UTP18: variants seen among roughly 807,000 people sequenced by gnomAD.
The protein encoded by UTP18 is UTP18 small subunit processome component, also known as U3 small nucleolar RNA-associated protein 18 homolog.
In UTP18, 36 loss-of-function variants were observed where a neutral mutation model predicts 61.1. The observed-to-expected ratio is 0.59, with a 90% CI of 0.45 to 0.78. The LOEUF (loss-of-function observed/expected upper bound fraction) is 0.78. Among genes scored for constraint, UTP18 ranks in the 30% least tolerant of loss-of-function variants. The pLI is 0.00. For missense variants in UTP18, 753 were observed against 693.9 expected, an observed-to-expected ratio of 1.09 and a Z score of -0.96; for synonymous variants, 282 against 251.1, an observed-to-expected ratio of 1.12 and a Z score of -1.16.
intron 4 of UTP18, among the ~76,000 whole-genome samples, chr17:51,269,718 C>A (rs571835869): frequency 6.6e-6 from 1 of 152,016 alleles, no homozygotes. Context: ...AGAAATTGAC[C>A]GTCTTTGTTT....
intron 1 of UTP18, among the ~76,000 whole-genome samples, chr17:51,261,911 A>C (rs1001274784): frequency 1.3e-5 from 2 of 152,164 alleles, no homozygotes; most frequent in African/African-American, 4.8e-5. Context: ...TACTGGAAAC[A>C]TGCTGAACTG....
intron 5 of UTP18, 71 bp from the exon 6 acceptor site, chr17:51,275,795 T>C: frequency 7.0e-7 from 1 of 1,421,756 alleles, no homozygotes; most frequent in South Asian, 1.6e-5. Flanking sequence ...GTAATGTCTT[T>C]TCTTCTTACT....
intron 3 of UTP18, 149 bp downstream of exon 3, chr17:51,266,429 T>G (rs1007299979): frequency 3.8e-5 from 19 of 501,852 alleles, no homozygotes; most frequent in African/African-American, 3.6e-4. Context: ...TAGTTTTTTT[T>G]AGGGGAGAGG....
chr17:51,293,269 C>T (rs1020851783), intron 11 of UTP18, among the ~76,000 whole-genome samples: 2 of 152,118 alleles, frequency 1.3e-5, no homozygotes, highest in Non-Finnish European at 2.9e-5. Context: ...CTCTTTCTTC[C>T]TTTTCTGCTC....
At position 51,268,894 on chromosome 17, in the gene UTP18, A is replaced by C. The variant is rs1904404383; in HGVS notation, c.612A>C (p.Thr204=). The stretch of plus-strand genomic sequence containing the variant: ...GGGCAGAGACTACTAAGCGGAAAAC[A>C]TCTTCAGATGGTGAGCGTTGATATT... ...PAWAETTKRK[T]SSDDESEEDE... The change falls in exon 4 of 14, where the codon ACA becomes ACC. Residue 204 remains threonine (T), a synonymous_variant. Transcript: ENST00000225298. 5.0e-6 allele frequency: 8 copies of C among 1,613,870 alleles called. No individual in the cohort carries two copies. The East Asian group carries it at 1.6e-4, about 31-fold the overall frequency.
chr17:51,281,164 A>ATATTTTTT (rs59857038), intron 9 of UTP18, among the ~76,000 whole-genome samples: 70 of 140,422 alleles, frequency 5.0e-4, no homozygotes, highest in African/African-American at 1.8e-3. Flanking sequence ...ATATATATAT[A>ATATTTTTT]TTTTTTTTAA....
At chr17:51,268,578 G>C (rs1159287265) in intron 3 of UTP18, among the ~76,000 whole-genome samples, 3 of 152,198 alleles carry the variant, frequency 2.0e-5, no homozygotes, top group African/African-American at 7.2e-5. Flanking sequence ...CATGTAACTA[G>C]ATGGAAATAA....
intron 12 of UTP18, chr17:51,296,746 G>A (rs181161572): frequency 6.2e-6 from 3 of 481,116 alleles, no homozygotes; most frequent in Admixed American, 4.2e-5. Flanking sequence ...CCCCCCATGT[G>A]AAACTTTGGA....
In UTP18 at chr17:51,260,926, G is replaced by A. The variant is rs574821112; in HGVS notation, c.342G>A (p.Arg114=). 17 of 1,554,046 alleles carry A rather than the reference G, an allele frequency of 1.1e-5. No homozygotes were observed. Among genetic ancestry groups the A allele is most frequent in the East Asian group, 2.6e-5 (1 of 38,640 alleles). The change falls in exon 1 of 14, where the codon AGG becomes AGA. Residue 114 remains arginine (R), a splice_region_variant and synonymous_variant. Transcript: ENST00000225298. ...DALLRRLRGP[R]VQEHEDSGDS... is the part of the protein sequence containing the mutation. ...TGCTGCGGCGTCTGCGAGGCCCGAG[G>A]GTGAGGGAGGCCGCGGCGCGCGGGC...
chr17:51,297,023 AC>A lies in UTP18; in HGVS notation c.*14+21del, dbSNP rs1321540714. ...TTTGAAGTAAGAAAACCCTTTTCTTACAAATTCTGCAGGTTTTAAGATACAC... is the reference window on the plus strand; with the variant it reads ...TTTGAAGTAAGAAAACCCTTTTCTTAAAATTCTGCAGGTTTTAAGATACAC... On this transcript the variant is annotated intron_variant, in intron 13 of 13. Transcript: ENST00000225298. 4 of 1,599,734 alleles carry A rather than the reference AC, an allele frequency of 2.5e-6. No individual in the cohort carries two copies. Among genetic ancestry groups the A allele is most frequent in the Non-Finnish European group, 2.6e-6 (3 of 1,173,216 alleles).
intron 2 of UTP18, among the ~76,000 whole-genome samples, chr17:51,265,562 C>CTTTTTTTTTTTTTTTTTT (rs10695281): frequency 1.2e-5 from 1 of 85,566 alleles, no homozygotes; most frequent in African/African-American, 4.9e-5. Context: ...CGTGCCCGGC[C>CTTTTTTTTTTTTTTTTTT]TTTTTTTTTT....
chr17:51,282,469 G>C (rs1040762023), intron 9 of UTP18, among the ~76,000 whole-genome samples: 1 of 149,460 alleles, frequency 6.7e-6, no homozygotes, highest in Non-Finnish European at 1.5e-5. Context: ...AAAATGAAGA[G>C]AAAGAGGAAG....
At chr17:51,282,972 A>C (rs757532364) in intron 9 of UTP18, among the ~76,000 whole-genome samples, 15 of 148,664 alleles carry the variant, frequency 1.0e-4, no homozygotes, top group East Asian at 6.0e-4. Flanking sequence ...AAGTTCTAGC[A>C]ATTCTCCTGC....
intron 12 of UTP18, chr17:51,296,125 C>T (rs1042662487): frequency 6.6e-6 from 1 of 152,150 alleles, no homozygotes; most frequent in Admixed American, 6.6e-5. Context: ...GGCTATAAAA[C>T]AGGAACAAAC....
intron 7 of UTP18, among the ~76,000 whole-genome samples, chr17:51,278,272 T>C (rs1904797296): frequency 6.6e-6 from 1 of 152,162 alleles, no homozygotes; most frequent in Non-Finnish European, 1.5e-5. Context: ...CTTAGGTGGG[T>C]TGAGTCTGCA....
rs372766030 is a variant in UTP18 at position 51,260,776 on chromosome 17, G to C, written c.192G>C (p.Ala64=). ...PSAAAAAIAV[A]AAEEERRLRQ... is the part of the protein sequence containing the mutation. ...CGGCGGCCGCTGCGATTGCAGTCGC[G>C]GCGGCGGAGGAAGAGAGACGGCTCC... The change falls in exon 1 of 14, where the codon GCG becomes GCC. Residue 64 remains alanine, a synonymous_variant. Coordinates refer to ENST00000225298, the MANE Select transcript of UTP18 (RefSeq NM_016001.3). 1 of 1,578,558 alleles carries C rather than the reference G, an allele frequency of 6.3e-7. No individual in the cohort carries two copies. The highest frequency in any genetic ancestry group is 8.6e-7 in the Non-Finnish European group (1 of 1,163,536).
chr17:51,265,208 A>T (rs1359308495), intron 2 of UTP18, among the ~76,000 whole-genome samples: 1 of 151,792 alleles, frequency 6.6e-6, no homozygotes, highest in East Asian at 1.9e-4. Context: ...GTAAGTAGTT[A>T]ACAGAGAGAG....
rs1904984107 is a variant in UTP18 at position 51,282,824 on chromosome 17, TC to T, written c.1204+2347del. ...AATTTTGAAATGTTGATGGTTCTCT[TC>T]CTCTCTCTCCGCTTCTTCCTCCTTT... On this transcript the variant is annotated intron_variant, in intron 9 of 13. Transcript: ENST00000225298. Among the ~76,000 whole-genome samples the T allele has an allele frequency of 2.6e-5, 4 of 151,784 alleles. No individual in the cohort carries two copies. In the South Asian group the frequency reaches 8.3e-4, roughly 32 times the overall value.
intron 7 of UTP18, among the ~76,000 whole-genome samples, chr17:51,278,045 A>G (rs1215249132): frequency 6.6e-6 from 1 of 152,098 alleles, no homozygotes; most frequent in Non-Finnish European, 1.5e-5. Context: ...CTGTACAACC[A>G]TTTTTCTACT....
Sources: gnomAD v4.1 joint callset for allele counts (sites outside exome capture counted in the v4.1 genomes callset) on GRCh38, gnomAD v4.1.1 for gene constraint, MANE v1.5 for transcripts, NCBI Gene and HGNC (gene_info 2026-07-23, HGNC 2026-07-21) for gene names.